Variants in GRB10 observed in about 807,000 individuals in gnomAD.
GRB10 encodes growth factor receptor bound protein 10.
Under a neutral mutation model 80.9 loss-of-function variants are expected in GRB10, and 20 were observed. The ratio of observed to expected loss-of-function variants is 0.25; its 90% confidence interval spans 0.17 to 0.36. GRB10 has a LOEUF of 0.36. Ranked by LOEUF, GRB10 falls within the 10% of genes least tolerant of loss-of-function variation. GRB10 has a pLI of 1.00. For missense variants in GRB10, 548 were observed against 747.7 expected (o/e 0.73, Z 3.12); for synonymous variants, 291 against 291.5 (o/e 1.00, Z 0.02).
At chr7:50,697,912 G>A (rs1358524055) in intron 5 of GRB10, among the ~76,000 whole-genome samples, 3 of 152,334 alleles carry the variant, frequency 2.0e-5, no homozygotes, top group African/African-American at 7.2e-5. Context: ...TCACAGGGCT[G>A]TGAACACGCC....
intron 3 of GRB10, among the ~76,000 whole-genome samples, chr7:50,747,317 G>A (rs147752129): frequency 6.6e-6 from 1 of 152,204 alleles, no homozygotes; most frequent in Non-Finnish European, 1.5e-5. Flanking sequence ...GCGAAGCAGA[G>A]CAGGTCCCCA....
intron 7 of GRB10, among the ~76,000 whole-genome samples, chr7:50,631,484 G>A (rs2053996802): frequency 6.6e-6 from 1 of 152,166 alleles, no homozygotes; most frequent in Non-Finnish European, 1.5e-5. Context: ...GCTTAATTAT[G>A]ATCTAGCATA....
intron 3 of GRB10, 77 bp downstream of exon 3, chr7:50,755,810 C>T (rs1435135943): frequency 1.8e-5 from 7 of 398,392 alleles, no homozygotes; most frequent in African/African-American, 8.2e-5. Flanking sequence ...CATTCACTGA[C>T]CACCTTAATC....
chr7:50,698,765 T>G (rs560054065), intron 5 of GRB10, among the ~76,000 whole-genome samples: 1 of 152,406 alleles, frequency 6.6e-6, no homozygotes, highest in Non-Finnish European at 1.5e-5. Context: ...TTTTCAAATT[T>G]GTCTTCAAAT....
chr7:50,731,468 C>T (rs2069713113), intron 4 of GRB10, among the ~76,000 whole-genome samples: 1 of 152,136 alleles, frequency 6.6e-6, no homozygotes, highest in Non-Finnish European at 1.5e-5. Context: ...AAAAGGACTT[C>T]CAAACCTAGG....
chr7:50,749,139 T>TTTTTG lies in GRB10; in HGVS notation c.-47+6747_-47+6748insCAAAA, dbSNP rs755467376. ...TTTGTTTTGTTTTTTTGTTTGTTTT[T>TTTTTG]TTTTTTTGAGATGGAGTCTCACTCT... is the stretch of plus-strand genomic sequence containing the variant. On this transcript the variant is annotated intron_variant, in intron 3 of 18. Transcript: ENST00000401949. Among the ~76,000 whole-genome samples the TTTTTG allele has an allele frequency of 1.3e-4, 19 of 147,810 alleles. 1 individual carries two copies. The highest frequency in any genetic ancestry group is 2.4e-4 in the Non-Finnish European group (16 of 66,678).
At chr7:50,774,438 G>C (rs901432243) in intron 2 of GRB10, among the ~76,000 whole-genome samples, 3 of 152,210 alleles carry the variant, frequency 2.0e-5, no homozygotes, top group Admixed American at 6.5e-5. Flanking sequence ...GGAAGTTCAA[G>C]ATCAAGATGC....
chr7:50,756,060 G>GTTCAGAGGTCACACCTT lies in GRB10; in HGVS notation c.-216-5_-216-4insAAGGTGTGACCTCTGAA. 1 of 398,612 alleles carries GTTCAGAGGTCACACCTT rather than the reference G, an allele frequency of 2.5e-6. No homozygotes were observed. Among genetic ancestry groups the GTTCAGAGGTCACACCTT allele is most frequent in the Non-Finnish European group, 4.4e-6 (1 of 226,050 alleles). 24.7% of individuals were successfully genotyped at this position (398,612 alleles called of 1,614,324 possible). ...AGCATTGTGGTCAGCGCCAAAGCTG[G>GTTCAGAGGTCACACCTT]AAAGTCAAACGGGCCATCACTGAAC... is the stretch of plus-strand genomic sequence containing the variant. On this transcript the variant is annotated splice_polypyrimidine_tract_variant and splice_region_variant and intron_variant, in intron 2 of 18. Transcript: ENST00000401949.
At chr7:50,764,326 T>C (rs1226465166) in intron 2 of GRB10, among the ~76,000 whole-genome samples, 1 of 152,232 alleles carries the variant, frequency 6.6e-6, no homozygotes, top group Non-Finnish European at 1.5e-5. Context: ...GCTGTTCTTC[T>C]TCCTGCCAAC....
intron 2 of GRB10, among the ~76,000 whole-genome samples, chr7:50,773,489 AGGGGAGG>A (rs2077240961): frequency 1.1e-4 from 1 of 8,724 alleles, no homozygotes; most frequent in Admixed American, 1.7e-3. Flanking sequence ...AAGGCAGGGG[AGGGGAGG>A]GGAGGGGAGG....
At chr7:50,674,290 G>C in intron 6 of GRB10, 146 bp downstream of exon 6, 1 of 817,510 alleles carries the variant, frequency 1.2e-6, no homozygotes, top group South Asian at 1.5e-5. Flanking sequence ...CAGTGTATCC[G>C]TTATCCCATC....
Position 50,622,789 on chromosome 7 carries a change from T to TC in GRB10, c.662-3505_662-3504insG, listed in dbSNP as rs200448836. ...TGTATTTTTCAAAATTCCTTTTATC[T>TC]TTTTTTTTTTTTTAATTTTTGAGGC... On this transcript the variant is annotated intron_variant, in intron 8 of 18. Coordinates refer to ENST00000401949, the MANE Select transcript of GRB10 (RefSeq NM_001350814.2). Among the ~76,000 whole-genome samples the TC allele has an allele frequency of 2.2e-3, 267 of 121,494 alleles. 3 individuals carry two copies. The highest frequency in any genetic ancestry group is 6.5e-3 in the African/African-American group (248 of 38,216). The allele number at this position is 121,494 out of a possible 152,430, so 79.7% of individuals were successfully genotyped here. A position where few individuals can be genotyped will look rare whatever the true frequency, so the allele number is the denominator to read the frequency against.
intron 7 of GRB10, among the ~76,000 whole-genome samples, chr7:50,668,353 A>G (rs916674102): frequency 1.6e-5 from 2 of 124,336 alleles, no homozygotes; most frequent in East Asian, 2.5e-4. Context: ...AGATGATTCA[A>G]GTAGAAGGGC....
intron 14 of GRB10, among the ~76,000 whole-genome samples, chr7:50,605,768 T>C (rs1422598907): frequency 1.3e-5 from 2 of 152,222 alleles, no homozygotes; most frequent in South Asian, 2.1e-4. Context: ...CAGTGAGTCA[T>C]TCCCTCGGGG....
chr7:50,739,329 T>C (rs2071339030), intron 3 of GRB10, among the ~76,000 whole-genome samples: 1 of 152,246 alleles, frequency 6.6e-6, no homozygotes, highest in South Asian at 2.1e-4. Context: ...TCTAGCAGAC[T>C]GTAGATGATA....
intron 18 of GRB10, among the ~76,000 whole-genome samples, chr7:50,594,699 G>A (rs2046329060): frequency 6.6e-6 from 1 of 152,152 alleles, no homozygotes; most frequent in African/African-American, 2.4e-5. Context: ...ATTCTTGTAG[G>A]CGCTGATCTA....
At chr7:50,761,206 T>TGTATGAATCCCTGCCACAC (rs2075728610) in intron 2 of GRB10, among the ~76,000 whole-genome samples, 1 of 152,232 alleles carries the variant, frequency 6.6e-6, no homozygotes, top group Admixed American at 6.5e-5. Flanking sequence ...GATACCTGGA[T>TGTATGAATCCCTGCCACAC]GTATGAATCC....
intron 2 of GRB10, among the ~76,000 whole-genome samples, chr7:50,757,152 A>C (rs781446779): frequency 1.3e-5 from 2 of 152,208 alleles, no homozygotes; most frequent in South Asian, 2.1e-4. Flanking sequence ...CTTGCTAAAA[A>C]TCCAGGCACC....
intron 5 of GRB10, among the ~76,000 whole-genome samples, chr7:50,676,560 T>C (rs2060975708): frequency 6.6e-6 from 1 of 152,214 alleles, no homozygotes; most frequent in African/African-American, 2.4e-5. Flanking sequence ...AAAATAAGCT[T>C]TGCATCCCTC....
Sources: gnomAD v4.1 joint callset for allele counts (sites outside exome capture counted in the v4.1 genomes callset) on GRCh38, gnomAD v4.1.1 for gene constraint, MANE v1.5 for transcripts, NCBI Gene and HGNC (gene_info 2026-07-23, HGNC 2026-07-21) for gene names.